Variants in MESD observed in about 807,000 individuals in gnomAD.
MESD encodes LRP chaperone MESD.
In MESD, 7 loss-of-function variants were observed where a neutral mutation model predicts 12.9. That is an observed-to-expected ratio of 0.54 (90% CI 0.31 to 1.02). The LOEUF (loss-of-function observed/expected upper bound fraction) is 1.02, where lower values mean the gene tolerates loss of function less well. Ranked by LOEUF, MESD falls within the 50% of genes least tolerant of loss-of-function variation. The pLI is 0.05. For synonymous variants in MESD, 126 were observed against 115.6 expected (o/e 1.09, Z -0.58); for missense variants, 342 against 296.7 (o/e 1.15, Z -1.12).
Position 80,948,254 on chromosome 15 carries a change from G to A in MESD, c.*1271C>T, listed in dbSNP as rs527806434. On this transcript the variant is annotated 3_prime_UTR_variant, in exon 5 of 5. Transcript: ENST00000561312. ...ATGCTCAAGCTGTGAACTGCAAGATGGAGAGTGCTGTGTGGGTTTCAGGGG... is the reference window on the plus strand; with the variant it reads ...ATGCTCAAGCTGTGAACTGCAAGATAGAGAGTGCTGTGTGGGTTTCAGGGG... 40 of 190,798 alleles carry A rather than the reference G, an allele frequency of 2.1e-4. 1 individual carries two copies. Among genetic ancestry groups the A allele is most frequent in the African/African-American group, 9.2e-4 (40 of 43,396 alleles). 11.8% of individuals were successfully genotyped at this position (190,798 alleles called of 1,614,324 possible).
At chr15:80,971,676 G>T (rs1902291308), downstream of MESD, among the ~76,000 whole-genome samples, 1 of 151,982 alleles carries the variant, frequency 6.6e-6, no homozygotes, top group African/African-American at 2.4e-5. Context: ...CCCCAGGCTG[G>T]AGTACAGTGA....
chr15:80,970,190 G>A (rs1018607217), intron 3 of MESD, among the ~76,000 whole-genome samples: 1 of 152,160 alleles, frequency 6.6e-6, no homozygotes, highest in South Asian at 2.1e-4. Context: ...AGAGACACAT[G>A]GTGGGGAAGC....
At chr15:80,966,124 A>G (rs561589784) in intron 3 of MESD, among the ~76,000 whole-genome samples, 155 of 152,284 alleles carry the variant, frequency 1.0e-3, no homozygotes, top group Non-Finnish European at 1.7e-3. Context: ...TCCATGATAA[A>G]GTTTTTGAAA....
chr15:80,948,848 C>T (rs781589745), exon 5 of MESD: 1 of 1,614,200 alleles, frequency 6.2e-7, no homozygotes, highest in South Asian at 1.1e-5. Flanking sequence ...ATCTGGGTGA[C>T]ACTGGACACT....
intron 1 of MESD, among the ~76,000 whole-genome samples, chr15:80,987,690 T>G (rs957646487): frequency 1.3e-5 from 2 of 152,192 alleles, no homozygotes; most frequent in African/African-American, 4.8e-5. Flanking sequence ...AGTTTCACCA[T>G]GTTGGCCAGG....
At chr15:80,962,750 G>A (rs1323354243) in intron 3 of MESD, among the ~76,000 whole-genome samples, 1 of 152,288 alleles carries the variant, frequency 6.6e-6, no homozygotes, top group African/African-American at 2.4e-5. Context: ...GGTAAATAAT[G>A]AAATGAAGGC....
chr15:80,956,451 C>G (rs1338409414), intron 3 of MESD, among the ~76,000 whole-genome samples: 1 of 152,016 alleles, frequency 6.6e-6, no homozygotes, highest in Non-Finnish European at 1.5e-5. Context: ...ATGGTGAGAG[C>G]AAAAGAAAAC....
chr15:80,956,137 C>A (rs1596223975), intron 3 of MESD, among the ~76,000 whole-genome samples: 1 of 152,110 alleles, frequency 6.6e-6, no homozygotes, highest in East Asian at 1.9e-4. Context: ...CTGTGGTGAG[C>A]CGAGATCGCG....
intron 1 of MESD, among the ~76,000 whole-genome samples, chr15:80,988,374 T>C (rs972645516): frequency 1.3e-5 from 2 of 152,248 alleles, no homozygotes; most frequent in Non-Finnish European, 2.9e-5. Context: ...TCTTTGTTCA[T>C]CTCTTCAGCA....
downstream of MESD, among the ~76,000 whole-genome samples, chr15:80,971,817 A>G (rs1000887878): frequency 3.3e-5 from 5 of 151,896 alleles, no homozygotes; most frequent in African/African-American, 7.3e-5. Flanking sequence ...AAGTAGGACC[A>G]CGCCTGTAGT....
intron 3 of MESD, among the ~76,000 whole-genome samples, chr15:80,954,070 T>A (rs1901911353): frequency 6.6e-6 from 1 of 152,134 alleles, no homozygotes; most frequent in Non-Finnish European, 1.5e-5. Context: ...ACATGGTAGA[T>A]GACCTGACCC....
At chr15:80,972,359 C>T (rs1902306858), downstream of MESD, among the ~76,000 whole-genome samples, 1 of 152,226 alleles carries the variant, frequency 6.6e-6, no homozygotes, top group Non-Finnish European at 1.5e-5. Flanking sequence ...AATGCCTCAG[C>T]TATCAAATCA....
intron 3 of MESD, among the ~76,000 whole-genome samples, chr15:80,957,919 T>A (rs140781217): frequency 1.6e-3 from 195 of 119,812 alleles, no homozygotes; most frequent in African/African-American, 6.1e-3. Context: ...CTTTCCCCAG[T>A]CTACCAATTC....
downstream of MESD, chr15:80,946,654 A>G: frequency 2.6e-6 from 1 of 384,202 alleles, no homozygotes. Context: ...CTGGCATGGT[A>G]CGCTCTGCTT....
rs187864953 is a variant in MESD, at chr15:80,983,286, T to C, written c.214-1104A>G. ...GAAAAGAAATACTCCCTCTTTGCACTGTATACTTAAAATCTGCACTCCATG... is the reference window on the plus strand; with the variant it reads ...GAAAAGAAATACTCCCTCTTTGCACCGTATACTTAAAATCTGCACTCCATG... On this transcript the variant is annotated intron_variant, in intron 1 of 2. Transcript: ENST00000261758. Among the ~76,000 whole-genome samples, 6 of 152,072 alleles carry C rather than the reference T, an allele frequency of 3.9e-5. No individual in the cohort carries two copies. The East Asian group carries it at 1.2e-3, about 29-fold the overall frequency.
At chr15:80,953,035 G>A (rs566045493) in intron 3 of MESD, 1 of 456,100 alleles carries the variant, frequency 2.2e-6, no homozygotes, top group Non-Finnish European at 4.4e-6. Context: ...ACAGGTGTTG[G>A]CCTGAGAGTC....
chr15:80,959,631 G>A (rs561802613), intron 3 of MESD, among the ~76,000 whole-genome samples: 86 of 152,246 alleles, frequency 5.6e-4, no homozygotes, highest in Non-Finnish European at 1.0e-3. Context: ...GAACACTTAC[G>A]AACCCTCTTT....
intron 3 of MESD, among the ~76,000 whole-genome samples, chr15:80,953,230 G>A (rs1237734642): frequency 6.6e-6 from 1 of 152,184 alleles, no homozygotes; most frequent in Non-Finnish European, 1.5e-5. Context: ...AAAGAGGGTG[G>A]GGGGTTACTA....
chr15:80,949,438 T>C, intron 4 of MESD: 1 of 200,592 alleles, frequency 5.0e-6, no homozygotes, highest in Non-Finnish European at 1.0e-5. Flanking sequence ...GGAGCTGGGG[T>C]AGAACTGGCT....
Sources: allele counts gnomAD v4.1 joint callset (sites outside exome capture counted in the v4.1 genomes callset), GRCh38; gene constraint gnomAD v4.1.1; transcripts MANE v1.5; gene names NCBI Gene and HGNC (gene_info 2026-07-23, HGNC 2026-07-21).